Variants in GSTA1 observed in about 807,000 individuals in gnomAD.
The protein encoded by GSTA1 is glutathione S-transferase A1.
A neutral mutation model predicts 21.5 loss-of-function variants in GSTA1; 23 were observed. The ratio of observed to expected loss-of-function variants is 1.07; its 90% CI spans 0.77 to 1.52. The LOEUF (loss-of-function observed/expected upper bound fraction) is 1.52. Ranked by LOEUF, GSTA1 falls within the 40% of genes most tolerant of loss-of-function variation. GSTA1 has a pLI of 0.00. For missense variants in GSTA1, 301 were observed against 264.2 expected, an observed-to-expected ratio of 1.14 and a Z score of -0.96; for synonymous variants, 125 against 90.0, an observed-to-expected ratio of 1.39 and a Z score of -2.20.
At chr6:52,798,111 C>T (rs572747529) in intron 2 of GSTA1, among the ~76,000 whole-genome samples, 2 of 152,220 alleles carry the variant, frequency 1.3e-5, no homozygotes, top group Non-Finnish European at 2.9e-5. Context: ...AGGAACCCTG[C>T]TAAGTGTGAA....
chr6:52,802,535 T>C (rs544416209), intron 1 of GSTA1, among the ~76,000 whole-genome samples: 1 of 152,326 alleles, frequency 6.6e-6, no homozygotes, highest in Admixed American at 6.5e-5. Flanking sequence ...GCTTGGAAGA[T>C]GGGTGAGTCT....
chr6:52,801,205 T>A lies in GSTA1; in HGVS notation c.-30-1908A>T, dbSNP rs537033820. On this transcript the variant is annotated intron_variant, in intron 1 of 6. Transcript: ENST00000334575. ...CTCAACTAATGTATTTCTAAAAAGG[T>A]ATGTATGACTAAAATTAGGCATCAA... Among the ~76,000 whole-genome samples the A allele has an allele frequency of 9.8e-5, 15 of 152,302 alleles. No homozygotes were observed. The South Asian group carries it at 2.7e-3, about 27-fold the overall frequency.
chr6:52,793,991 G>T, intron 5 of GSTA1, 134 bp downstream of exon 5: 1 of 1,036,262 alleles, frequency 9.7e-7, no homozygotes, highest in South Asian at 1.5e-5. Context: ...AAAATGCCTT[G>T]AGAGTCAGAG....
intron 6 of GSTA1, chr6:52,792,593 T>G: frequency 3.1e-6 from 2 of 640,028 alleles, no homozygotes; most frequent in Non-Finnish European, 4.8e-6. Flanking sequence ...AATAGAGGGA[T>G]GGGGAGAGAT....
rs1397033040 is a variant in GSTA1 at position 52,791,513 on chromosome 6, T to C, written c.*345A>G. The stretch of plus-strand genomic sequence containing the variant: ...AAAATGTCAGAAGTGCATTTCTACA[T>C]TGACATTTTAATAGATTGTATGACA... On this transcript the variant is annotated 3_prime_UTR_variant, in exon 7 of 7. Coordinates refer to ENST00000334575, the MANE Select transcript of GSTA1 (RefSeq NM_145740.5). Among the ~76,000 whole-genome samples the C allele has an allele frequency of 6.6e-6, 1 of 152,242 alleles. No homozygotes were observed. Among genetic ancestry groups the C allele is most frequent in the Non-Finnish European group, 1.5e-5 (1 of 68,042 alleles).
chr6:52,800,177 C>T (rs1241413672), intron 1 of GSTA1, among the ~76,000 whole-genome samples: 1 of 152,232 alleles, frequency 6.6e-6, no homozygotes, highest in Non-Finnish European at 1.5e-5. Flanking sequence ...TTCTTCTAAA[C>T]TTCTCTTCGT....
At chr6:52,792,378 A>G (rs931038624) in intron 6 of GSTA1, among the ~76,000 whole-genome samples, 1 of 152,178 alleles carries the variant, frequency 6.6e-6, no homozygotes, top group African/African-American at 2.4e-5. Flanking sequence ...AAGACAAACC[A>G]TGGGACCACC....
intron 4 of GSTA1, 91 bp from the exon 5 acceptor site, chr6:52,794,357 T>C: frequency 3.8e-6 from 5 of 1,323,370 alleles, no homozygotes; most frequent in Non-Finnish European, 5.2e-6. Flanking sequence ...TATCAGGTGA[T>C]GGCAAAATAA....
Position 52,796,216 on chromosome 6 carries a change from T to G in GSTA1, c.238A>C (p.Asn80His), listed in dbSNP as rs780868015. The G allele has an allele frequency of 2.5e-6, 4 of 1,613,890 alleles. No individual in the cohort carries two copies. The South Asian group carries it at 4.4e-5, about 18-fold the overall frequency. ...AILNYIASKY[N>H]LYGKDIKERA... ...TCCTTTATGTCTTTCCCATAGAGGT[T>G]GTATTTGCTGGCAATGTAGTTGAGA... is the stretch of plus-strand genomic sequence containing the variant. The change falls in exon 4 of 7, where the codon AAC becomes CAC. Residue 80 changes from asparagine (N) to histidine (H), a missense_variant. Physicochemically the swap from Asn to His is moderately conservative, Grantham distance 68. Transcript: ENST00000334575.
At chr6:52,803,214 G>C (rs913794787) in intron 1 of GSTA1, among the ~76,000 whole-genome samples, 16 of 152,134 alleles carry the variant, frequency 1.1e-4, no homozygotes, top group Non-Finnish European at 1.6e-4. Context: ...AACAGTCGGA[G>C]CCTCTTTCTT....
chr6:52,801,421 G>A lies in GSTA1; in HGVS notation c.-30-2124C>T, dbSNP rs543024842. Among the ~76,000 whole-genome samples, 102 of 152,326 alleles carry A rather than the reference G, an allele frequency of 6.7e-4. 2 individuals are homozygous for A. The highest frequency in any genetic ancestry group is 2.3e-3 in the African/African-American group (95 of 41,572). ...AATGGAAATAGCATAATTTGACAGA[G>A]TGAAAGGGAGAGTGAAGTTCAGATG... is the stretch of plus-strand genomic sequence containing the variant. On this transcript the variant is annotated intron_variant, in intron 1 of 6. Transcript: ENST00000334575.
At chr6:52,796,476 T>C (rs1763587700) in intron 3 of GSTA1, among the ~76,000 whole-genome samples, 162 bp from the exon 4 acceptor site, 1 of 4,688 alleles carries the variant, frequency 2.1e-4, no homozygotes, top group Admixed American at 4.9e-3. Flanking sequence ...TATATATATA[T>C]ATATATATAT....
At chr6:52,792,764 CTG>C in intron 6 of GSTA1, 90 bp downstream of exon 6, 3 of 1,611,074 alleles carry the variant, frequency 1.9e-6, no homozygotes, top group Admixed American at 1.7e-5. Context: ...CTGGAGAAGA[CTG>C]GGGCAAAACT....
chr6:52,802,238 C>G (rs1763734929), intron 1 of GSTA1, among the ~76,000 whole-genome samples: 1 of 152,124 alleles, frequency 6.6e-6, no homozygotes, highest in African/African-American at 2.4e-5. Flanking sequence ...GGAATATAAG[C>G]TCTCATAATT....
rs1763579961 is a variant in GSTA1 at position 52,796,301 on chromosome 6, C to T, written c.153G>A (p.Met51Ile). ...TCTCAACCATTGGCACTTGCTGGAA[C>T]ATCAAATATCCATCTTTAGAAGGAA... ...LDKLRNDGYL[M>I]FQQVPMVEID... The change falls in exon 4 of 7, where the codon ATG (methionine) becomes ATA (isoleucine). Residue 51 changes from methionine (M) to isoleucine (I), a missense_variant. Met to Ile is a conservative substitution (Grantham distance 10). Transcript: ENST00000334575. The T allele has an allele frequency of 1.2e-6, 2 of 1,613,516 alleles. No individual in the cohort carries two copies. Among genetic ancestry groups the T allele is most frequent in the East Asian group, 2.2e-5 (1 of 44,866 alleles).
At chr6:52,796,093 T>A in intron 4 of GSTA1, 89 bp downstream of exon 4, 2 of 1,594,258 alleles carry the variant, frequency 1.3e-6, no homozygotes, top group Non-Finnish European at 1.7e-6. Flanking sequence ...CTGCTGGTCA[T>A]GATGCCCTGC....
At chr6:52,799,026 T>C (rs1255290185) in intron 2 of GSTA1, among the ~76,000 whole-genome samples, 155 bp downstream of exon 2, 3 of 152,262 alleles carry the variant, frequency 2.0e-5, no homozygotes, top group African/African-American at 7.2e-5. Context: ...ATTTTAAGAA[T>C]TAATAGGTCA....
chr6:52,796,314 T>C lies in GSTA1; in HGVS notation c.140A>G (p.Asp47Gly), dbSNP rs748896374. ...CACTTGCTGGAACATCAAATATCCA[T>C]CTTTAGAAGGAAGAAAAAAAAGGAG... Reference protein sequence around the residue: ...SAEDLDKLRNDGYLMFQQVPM... With the variant: ...SAEDLDKLRNGGYLMFQQVPM... The change falls in exon 4 of 7, where the codon GAT becomes GGT. Residue 47 changes from aspartate to glycine, a missense_variant and splice_region_variant. Coordinates refer to ENST00000334575, the MANE Select transcript of GSTA1 (RefSeq NM_145740.5). 47 of 1,613,362 alleles carry C rather than the reference T, an allele frequency of 2.9e-5. No individual in the cohort carries two copies. Among genetic ancestry groups the C allele is most frequent in the Non-Finnish European group, 3.8e-5 (45 of 1,179,870 alleles).
chr6:52,801,417 C>T (rs1197432016), intron 1 of GSTA1, among the ~76,000 whole-genome samples: 1 of 152,152 alleles, frequency 6.6e-6, no homozygotes, highest in African/African-American at 2.4e-5. Context: ...CATAATTTGA[C>T]AGAGTGAAAG....
Sources: gnomAD v4.1 joint callset for allele counts (sites outside exome capture counted in the v4.1 genomes callset) on GRCh38, gnomAD v4.1.1 for gene constraint, MANE v1.5 for transcripts, NCBI Gene and HGNC (gene_info 2026-07-23, HGNC 2026-07-21) for gene names.